HYDIN: variants seen among roughly 807,000 people sequenced by gnomAD.
HYDIN encodes the protein HYDIN axonemal central pair apparatus protein.
A neutral mutation model predicts 403.9 loss-of-function variants in HYDIN; 132 were observed. The observed-to-expected ratio is 0.33, with a 90% CI of 0.28 to 0.38. The LOEUF (loss-of-function observed/expected upper bound fraction) is 0.38. HYDIN is among the 10% of genes least tolerant of loss of function. The pLI is 1.00. For synonymous variants in HYDIN, 1,202 were observed against 1,891.7 expected (o/e 0.64, Z 9.46); for missense variants, 2,827 against 5,009.5 (o/e 0.56, Z 13.15).
chr16:70,850,032 T>A lies in HYDIN; in HGVS notation c.12652-85A>T, dbSNP rs577302920. ...ATTTGTAACATGTTGATGAAAAATA[T>A]CCTTTGGGAAATAAGGATGGCAGAT... On this transcript the variant is annotated intron_variant, in intron 74 of 85. Transcript: ENST00000393567. The A allele has an allele frequency of 9.9e-5, 59 of 598,096 alleles. No individual in the cohort carries two copies. In the African/African-American group the frequency reaches 9.9e-4, roughly 10 times the overall value. The allele number at this position is 598,096 out of a possible 1,614,324, so 37.0% of individuals were successfully genotyped here.
At chr16:70,927,778 A>C (rs551716142) in intron 45 of HYDIN, among the ~76,000 whole-genome samples, 1 of 152,376 alleles carries the variant, frequency 6.6e-6, no homozygotes, top group African/African-American at 2.4e-5. Context: ...CGACATCTCA[A>C]CAGCCACATG....
At position 70,868,512 on chromosome 16, in the gene HYDIN, C is replaced by T. The variant is rs2039904516; in HGVS notation, c.11310+58G>A. The T allele has an allele frequency of 1.3e-5, 20 of 1,541,086 alleles. No individual in the cohort carries two copies. In the South Asian group the frequency reaches 2.1e-4, roughly 16 times the overall value. On this transcript the variant is annotated intron_variant, in intron 66 of 85. Coordinates refer to ENST00000393567, the MANE Select transcript of HYDIN (RefSeq NM_001270974.2). The stretch of plus-strand genomic sequence containing the variant: ...AAAGGAAATGATGAGGGACTTGAGA[C>T]CAGTAGGAATCCAAGCATGGAGGCC...
At chr16:70,943,619 G>A (rs879660378) in intron 42 of HYDIN, among the ~76,000 whole-genome samples, 193 bp downstream of exon 42, 7 of 152,186 alleles carry the variant, frequency 4.6e-5, no homozygotes, top group Non-Finnish European at 8.8e-5. Flanking sequence ...CCTTGAAGAA[G>A]GTGAATGGCT....
At chr16:70,923,488 AAG>A (rs1345718568) in intron 45 of HYDIN, among the ~76,000 whole-genome samples, 4 of 110,302 alleles carry the variant, frequency 3.6e-5, no homozygotes, top group African/African-American at 1.3e-4. Context: ...AAAAAAAAAA[AAG>A]AAAGAAGGAT....
At chr16:70,931,213 T>G (rs2077316690) in intron 45 of HYDIN, among the ~76,000 whole-genome samples, 1 of 102,120 alleles carries the variant, frequency 9.8e-6, no homozygotes, top group African/African-American at 4.1e-5. Context: ...TTCTTCTGTT[T>G]TTTTTTTTTT....
rs2035089844 is a variant in HYDIN, at chr16:70,806,021, G to C, written c.*1559C>G. Among the ~76,000 whole-genome samples, 1 of 152,160 alleles carries C rather than the reference G, an allele frequency of 6.6e-6. No individual in the cohort carries two copies. The highest frequency in any genetic ancestry group is 2.1e-4 in the South Asian group (1 of 4,830). On this transcript the variant is annotated 3_prime_UTR_variant, in exon 86 of 86. Coordinates refer to ENST00000393567, the MANE Select transcript of HYDIN (RefSeq NM_001270974.2). ...AGACACAACCTACTTGATAGTCACT[G>C]AGTAGATGACTTGGGGTTAGCAGGT...
intron 85 of HYDIN, among the ~76,000 whole-genome samples, chr16:70,808,372 A>G (rs958145002): frequency 1.3e-5 from 2 of 152,168 alleles, no homozygotes; most frequent in African/African-American, 2.4e-5. Flanking sequence ...TTCCATGTAC[A>G]TGGAAGACCA....
intron 5 of HYDIN, among the ~76,000 whole-genome samples, chr16:71,172,915 A>G (rs1330942837): frequency 1.3e-5 from 2 of 152,216 alleles, no homozygotes; most frequent in African/African-American, 4.8e-5. Context: ...CCTAAAATAA[A>G]TCTGGCTCTA....
chr16:71,097,288 CTT>C (rs753047556), intron 10 of HYDIN, among the ~76,000 whole-genome samples: 12 of 137,410 alleles, frequency 8.7e-5, no homozygotes, highest in Non-Finnish European at 1.8e-4. Flanking sequence ...ATACCACGGA[CTT>C]TTGTTTTCTT....
intron 50 of HYDIN, among the ~76,000 whole-genome samples, chr16:70,906,360 G>A (rs1339911123): frequency 1.3e-5 from 2 of 151,718 alleles, no homozygotes; most frequent in Non-Finnish European, 2.9e-5. Context: ...ATTTGTCAAG[G>A]AGAAAAAGAC....
At chr16:70,955,596 G>T in intron 39 of HYDIN, 48 bp from the exon 40 acceptor site, 2 of 798,618 alleles carry the variant, frequency 2.5e-6, no homozygotes, top group South Asian at 1.6e-5. Context: ...CATTTGCTCA[G>T]TGTCCCAGAG....
intron 18 of HYDIN, among the ~76,000 whole-genome samples, chr16:71,043,311 C>T (rs1322399504): frequency 6.6e-6 from 1 of 150,566 alleles, no homozygotes; most frequent in South Asian, 2.1e-4. Context: ...ATTTGATGAA[C>T]CTTCTCCGTA....
rs1304252783 is a variant in HYDIN at position 70,908,846 on chromosome 16, T to C, written c.8020A>G (p.Thr2674Ala). The C allele has an allele frequency of 6.2e-7, 1 of 1,610,940 alleles. No individual in the cohort carries two copies. The change falls in exon 48 of 86, where the codon ACC becomes GCC. Residue 2674 changes from threonine (T) to alanine (A), a missense_variant. Thr to Ala is a moderately conservative substitution (Grantham distance 58). Transcript: ENST00000393567. ...TGTTTGCCCCCCTTAGATGAGCTGG[T>C]CTGCTCCTCTTGAGCCTTAATTAAA... is the stretch of plus-strand genomic sequence containing the variant. ...TNTTKAQEEQTSSSKGGKQKM... is the reference protein window; with the variant it reads ...TNTTKAQEEQASSSKGGKQKM...
chr16:71,123,831 G>T (rs1331100326), intron 9 of HYDIN, among the ~76,000 whole-genome samples: 1 of 151,782 alleles, frequency 6.6e-6, no homozygotes, highest in Non-Finnish European at 1.5e-5. Flanking sequence ...CTTTCACTTG[G>T]TTCTCATTCT....
intron 18 of HYDIN, among the ~76,000 whole-genome samples, chr16:71,049,799 G>A (rs367641302): frequency 6.9e-6 from 1 of 145,604 alleles, no homozygotes; most frequent in African/African-American, 2.6e-5. Flanking sequence ...ACAAATCTTG[G>A]AATTGAAAAA....
At chr16:71,221,631 T>C (rs537994538) in intron 1 of HYDIN, among the ~76,000 whole-genome samples, 4 of 152,012 alleles carry the variant, frequency 2.6e-5, no homozygotes, top group Non-Finnish European at 5.9e-5. Flanking sequence ...AAATGAAAAT[T>C]AAAATAATAA....
chr16:70,938,697 C>G lies in HYDIN; in HGVS notation c.6912G>C (p.Glu2304Asp). ...CCTCAGTCAGGGCATCATATTCTTC[C>G]TCATCCATGTTTTGGAGACGCTCCT... is the stretch of plus-strand genomic sequence containing the variant. ...KEKERLQNMDEEEYDALTEEE... is the reference protein window; with the variant it reads ...KEKERLQNMDDEEYDALTEEE... Residue 2304 changes from glutamate (E) to aspartate (D), a missense_variant, in exon 44 of 86, where the codon GAG (glutamate) becomes GAC (aspartate). Glu to Asp is a conservative substitution (Grantham distance 45, BLOSUM62 2). Coordinates refer to ENST00000393567, the MANE Select transcript of HYDIN (RefSeq NM_001270974.2). 6.2e-7 allele frequency: 1 copy of G among 1,614,068 alleles called. No homozygotes were observed. The highest frequency in any genetic ancestry group is 8.5e-7 in the Non-Finnish European group (1 of 1,179,958).
chr16:71,149,818 G>T (rs907275402), intron 7 of HYDIN, among the ~76,000 whole-genome samples: 1 of 152,020 alleles, frequency 6.6e-6, no homozygotes, highest in Non-Finnish European at 1.5e-5. Flanking sequence ...GTGAGCCACC[G>T]CAGTCGGCTG....
chr16:70,993,200 C>A (rs1393488245), intron 23 of HYDIN, among the ~76,000 whole-genome samples: 2 of 152,188 alleles, frequency 1.3e-5, no homozygotes, highest in Admixed American at 6.5e-5. Flanking sequence ...CCTAGAGTAT[C>A]ATTTCCTAAA....
Sources: gnomAD v4.1 joint callset for allele counts (sites outside exome capture counted in the v4.1 genomes callset) on GRCh38, gnomAD v4.1.1 for gene constraint, MANE v1.5 for transcripts, NCBI Gene and HGNC (gene_info 2026-07-23, HGNC 2026-07-21) for gene names.